The following PLOD2 variants were observed in gnomAD, a reference collection of about 807,000 sequenced individuals.
PLOD2 encodes lysine hydroxylase 2.
Under a neutral mutation model 101.0 loss-of-function variants are expected in PLOD2, and 65 were observed. The ratio of observed to expected loss-of-function variants is 0.64; its 90% CI spans 0.53 to 0.79. The LOEUF is 0.79. Among genes scored for constraint, PLOD2 ranks in the 30% least tolerant of loss-of-function variants. The pLI is 0.00. For synonymous variants in PLOD2, 314 were observed against 302.9 expected (o/e 1.04, Z -0.38); for missense variants, 909 against 914.6 (o/e 0.99, Z 0.08).
At chr3:146,123,577 T>C (rs1235578068) in intron 2 of PLOD2, among the ~76,000 whole-genome samples, 1 of 152,104 alleles carries the variant, frequency 6.6e-6, no homozygotes, top group East Asian at 1.9e-4. Context: ...AGGCACCCTC[T>C]TCACATTTGT....
chr3:146,135,072 A>G (rs2031152701), intron 1 of PLOD2, among the ~76,000 whole-genome samples: 1 of 152,210 alleles, frequency 6.6e-6, no homozygotes, highest in Non-Finnish European at 1.5e-5. Flanking sequence ...TTTACTCCAC[A>G]TTGCCATGAA....
At chr3:146,091,352 G>A (rs569778320) in intron 8 of PLOD2, among the ~76,000 whole-genome samples, 1 of 151,982 alleles carries the variant, frequency 6.6e-6, no homozygotes, top group African/African-American at 2.4e-5. Context: ...GGAGTTTTGT[G>A]AAGTTTAAAT....
chr3:146,077,967 G>A (rs776089487), intron 13 of PLOD2, 43 bp from the exon 14 acceptor site: 22 of 1,003,366 alleles, frequency 2.2e-5, no homozygotes, highest in South Asian at 1.4e-4. Context: ...CTGTACACCC[G>A]CTCTCTCAGG....
At chr3:146,126,470 C>T (rs985068907) in intron 1 of PLOD2, among the ~76,000 whole-genome samples, 5 of 152,052 alleles carry the variant, frequency 3.3e-5, no homozygotes, top group African/African-American at 7.2e-5. Context: ...AAACTGGATA[C>T]GTACTTTTCA....
intron 14 of PLOD2, chr3:146,077,514 G>A (rs1936387765): frequency 5.1e-6 from 1 of 194,466 alleles, no homozygotes. Flanking sequence ...ACTCAATAAG[G>A]TGCACCTAAA....
At chr3:146,091,969 C>T (rs1034509142) in intron 7 of PLOD2, 68 bp from the exon 8 acceptor site, 3 of 806,304 alleles carry the variant, frequency 3.7e-6, no homozygotes, top group Non-Finnish European at 4.4e-6. Flanking sequence ...ATTCTATAAT[C>T]ATCTAATTTA....
chr3:146,111,599 A>G (rs991145728), intron 3 of PLOD2, among the ~76,000 whole-genome samples: 1 of 152,178 alleles, frequency 6.6e-6, no homozygotes, highest in African/African-American at 2.4e-5. Context: ...CTCACTTCAA[A>G]GTTTTTACAA....
chr3:146,094,136 T>C (rs1248629768), intron 7 of PLOD2, among the ~76,000 whole-genome samples: 1 of 152,170 alleles, frequency 6.6e-6, no homozygotes, highest in African/African-American at 2.4e-5. Context: ...GGTGATAGTA[T>C]TTTCCTGATT....
chr3:146,133,145 C>T (rs953010572), intron 1 of PLOD2, among the ~76,000 whole-genome samples: 4 of 152,052 alleles, frequency 2.6e-5, no homozygotes, highest in Non-Finnish European at 5.9e-5. Flanking sequence ...CACTGCATTC[C>T]GGCCTGGGCG....
At position 146,106,563 on chromosome 3, in the gene PLOD2, T is replaced by C. The variant is rs1314920918; in HGVS notation, c.584A>G (p.Tyr195Cys). The change falls in exon 5 of 20, where the codon TAC (tyrosine) becomes TGC (cysteine). Residue 195 changes from tyrosine (Y) to cysteine (C), a missense_variant. Physicochemically the swap from Tyr to Cys is radical, Grantham distance 194. Transcript: ENST00000282903. Reference protein sequence around the residue: ...LQDNDDDQLFYTKVYIDPLKR... With the variant: ...LQDNDDDQLFCTKVYIDPLKR... Reference sequence around the variant, plus strand: ...CAGTGGATCAATGTAAACTTTAGTGTAAAAGAGCTGATCATCATCATTATC... The same window carrying C: ...CAGTGGATCAATGTAAACTTTAGTGCAAAAGAGCTGATCATCATCATTATC... 1 of 1,581,180 alleles carries C rather than the reference T, an allele frequency of 6.3e-7. No individual in the cohort carries two copies. Among genetic ancestry groups the C allele is most frequent in the South Asian group, 1.1e-5 (1 of 90,356 alleles).
chr3:146,148,882 C>T (rs185413332), intron 1 of PLOD2, among the ~76,000 whole-genome samples: 1 of 152,136 alleles, frequency 6.6e-6, no homozygotes, highest in Non-Finnish European at 1.5e-5. Context: ...CACACTGGAC[C>T]ATAGGCTGAA....
chr3:146,093,643 T>C (rs1467753618), intron 7 of PLOD2, among the ~76,000 whole-genome samples: 1 of 152,110 alleles, frequency 6.6e-6, no homozygotes, highest in East Asian at 1.9e-4. Context: ...TGAGAAAAAG[T>C]TTTTTTAAAA....
Position 146,077,865 on chromosome 3 carries a change from T to A in PLOD2, c.1560A>T (p.Pro520=). The change falls in exon 14 of 20, where the codon CCA becomes CCT. Residue 520 remains proline (P), a synonymous_variant. Coordinates refer to ENST00000282903, the MANE Select transcript of PLOD2 (RefSeq NM_182943.3). The part of the protein sequence containing the change: ...TPETFQMLSP[P]KGVFMYISNR... ...ATAAAATAAGTAAAAATAACACCTT[T>A]GGGGGGCTGAGCATTTGGAATGTTT... 1 of 1,573,786 alleles carries A rather than the reference T, an allele frequency of 6.4e-7. No individual in the cohort carries two copies. The highest frequency in any genetic ancestry group is 8.7e-7 in the Non-Finnish European group (1 of 1,146,014).
At chr3:146,097,848 T>C (rs969373332) in intron 7 of PLOD2, among the ~76,000 whole-genome samples, 1 of 150,318 alleles carries the variant, frequency 6.7e-6, no homozygotes, top group Non-Finnish European at 1.5e-5. Context: ...GTGGCATATA[T>C]ACACCATGAA....
chr3:146,074,330 G>A (rs1257386431), intron 15 of PLOD2, among the ~76,000 whole-genome samples: 1 of 151,512 alleles, frequency 6.6e-6, no homozygotes. Context: ...CAGGGAGGAA[G>A]TGAGACACAG....
intron 17 of PLOD2, among the ~76,000 whole-genome samples, chr3:146,072,189 T>G (rs1936167179): frequency 6.6e-6 from 1 of 151,766 alleles, no homozygotes; most frequent in Non-Finnish European, 1.5e-5. Flanking sequence ...AGATAACATT[T>G]GCCTTAGAAT....
At chr3:146,076,556 T>A in intron 15 of PLOD2, 1 of 372,714 alleles carries the variant, frequency 2.7e-6, no homozygotes, top group Non-Finnish European at 4.8e-6. Context: ...ACCAACAACG[T>A]ACAAGCATTC....
chr3:146,119,945 T>C (rs1197570329), intron 3 of PLOD2, among the ~76,000 whole-genome samples: 5 of 152,190 alleles, frequency 3.3e-5, no homozygotes, highest in Non-Finnish European at 7.3e-5. Context: ...TATAATCCTT[T>C]GGGTATATAC....
chr3:146,093,129 G>C (rs921006904), intron 7 of PLOD2, among the ~76,000 whole-genome samples: 1 of 152,178 alleles, frequency 6.6e-6, no homozygotes, highest in Non-Finnish European at 1.5e-5. Context: ...AATACATGAA[G>C]TAGTTGGGTA....
Sources: gnomAD v4.1 joint callset for allele counts (sites outside exome capture counted in the v4.1 genomes callset) on GRCh38, gnomAD v4.1.1 for gene constraint, MANE v1.5 for transcripts, NCBI Gene and HGNC (gene_info 2026-07-23, HGNC 2026-07-21) for gene names.